Variants in PTPRZ1 observed in about 807,000 individuals in gnomAD.
PTPRZ1 encodes protein tyrosine phosphatase receptor type Z1.
PTPRZ1 carries 82 observed loss-of-function variants against 214.1 expected under a neutral mutation model. The ratio of observed to expected loss-of-function variants is 0.38; its 90% CI spans 0.32 to 0.46. The LOEUF (loss-of-function observed/expected upper bound fraction) is 0.46. PTPRZ1 is among the 20% of genes least tolerant of loss of function. The probability of loss-of-function intolerance (pLI) is 1.00; values close to 1 mark genes in which losing one functional copy is unlikely to be tolerated. For missense variants in PTPRZ1, 2,603 were observed against 2,748.7 expected (o/e 0.95, Z 1.19); for synonymous variants, 945 against 987.9 (o/e 0.96, Z 0.81).
intron 22 of PTPRZ1, among the ~76,000 whole-genome samples, chr7:122,044,039 A>T (rs1268237772): frequency 2.0e-5 from 3 of 152,228 alleles, no homozygotes; most frequent in Non-Finnish European, 4.4e-5. Flanking sequence ...CGAAAAGGAG[A>T]GTTGGCGTTG....
In PTPRZ1 at chr7:121,951,969, T is replaced by TTTA. The variant is rs1563033805; in HGVS notation, c.125-15980_125-15979insATT. ...CGAGTGTATTTATTTATTTATTTTT[T>TTTA]TTTTTTTGAGACGGAGTCTCGCTCT... On this transcript the variant is annotated intron_variant, in intron 2 of 29. Coordinates refer to ENST00000393386, the MANE Select transcript of PTPRZ1 (RefSeq NM_002851.3). Among the ~76,000 whole-genome samples, 86 of 150,006 alleles carry TTTA rather than the reference T, an allele frequency of 5.7e-4. 1 individual carries two copies. Among genetic ancestry groups the TTTA allele is most frequent in the African/African-American group, 1.9e-3 (77 of 41,222 alleles).
intron 18 of PTPRZ1, among the ~76,000 whole-genome samples, chr7:122,037,088 C>A (rs528160754): frequency 6.6e-6 from 1 of 151,678 alleles, no homozygotes. Context: ...CTAGCTAACA[C>A]GGTGAAACCC....
chr7:122,054,319 A>C (rs1792284214), intron 26 of PTPRZ1, among the ~76,000 whole-genome samples: 1 of 152,146 alleles, frequency 6.6e-6, no homozygotes, highest in African/African-American at 2.4e-5. Flanking sequence ...CCATGAAAGA[A>C]ATCAGTCTAT....
At position 121,976,862 on chromosome 7, in the gene PTPRZ1, T is replaced by TG. The variant is rs761381280; in HGVS notation, c.619+15dup. ...GTGTTAGTCGTTTTGGTAAGCTACT[T>TG]GGGGAACTATCTTTCTTCAGGATTC... On this transcript the variant is annotated intron_variant, in intron 6 of 29. Transcript: ENST00000393386. The TG allele has an allele frequency of 6.2e-7, 1 of 1,606,214 alleles. No individual in the cohort carries two copies. The highest frequency in any genetic ancestry group is 8.5e-7 in the Non-Finnish European group (1 of 1,175,336).
At position 122,004,680 on chromosome 7, in the gene PTPRZ1, A is replaced by T; in HGVS notation, c.1287+20A>T. 1 of 1,287,460 alleles carries T rather than the reference A, an allele frequency of 7.8e-7. No individual in the cohort carries two copies. Among genetic ancestry groups the T allele is most frequent in the African/African-American group, 1.5e-5 (1 of 67,576 alleles). 79.8% of individuals were successfully genotyped at this position (1,287,460 alleles called of 1,614,324 possible). On this transcript the variant is annotated intron_variant, in intron 11 of 29. Coordinates refer to ENST00000393386, the MANE Select transcript of PTPRZ1 (RefSeq NM_002851.3). ...ATCAAGGTATCATAGCCATTTTTAT[A>T]TTCAAATGTTTTAATATTAAATGGT...
At position 122,013,371 on chromosome 7, in the gene PTPRZ1, G is replaced by T; in HGVS notation, c.4325G>T (p.Cys1442Phe). The T allele has an allele frequency of 1.2e-6, 2 of 1,614,134 alleles. No individual in the cohort carries two copies. Among genetic ancestry groups the T allele is most frequent in the African/African-American group, 1.3e-5 (1 of 75,038 alleles). ...AGTGATGGCTTATCCATTCATAAGT[G>T]TATGTCATGCTCATCCTATAGAGAA... ...RGSDGLSIHK[C>F]MSCSSYRESQ... is the part of the protein sequence containing the mutation. The change falls in exon 12 of 30, where the codon TGT (cysteine) becomes TTT (phenylalanine). Residue 1442 changes from cysteine (C) to phenylalanine (F), a missense_variant. Coordinates refer to ENST00000393386, the MANE Select transcript of PTPRZ1 (RefSeq NM_002851.3).
In PTPRZ1 at chr7:121,984,027, T is replaced by A; in HGVS notation, c.838T>A (p.Tyr280Asn). 3 of 1,613,708 alleles carry A rather than the reference T, an allele frequency of 1.9e-6. No homozygotes were observed. Among genetic ancestry groups the A allele is most frequent in the Non-Finnish European group, 2.5e-6 (3 of 1,179,716 alleles). ...ATCTGGTTATGTCATGCTGATGGAC[T>A]ACTTACAAAACAATTTTCGAGAGCA... is the stretch of plus-strand genomic sequence containing the variant. ...QQSGYVMLMD[Y>N]LQNNFREQQY... Residue 280 changes from tyrosine (Y) to asparagine (N), a missense_variant, in exon 8 of 30, where the codon TAC becomes AAC. Physicochemically the swap from Tyr to Asn is moderately radical, Grantham distance 143. Transcript: ENST00000393386.
intron 1 of PTPRZ1, among the ~76,000 whole-genome samples, chr7:121,893,644 G>C (rs1794703488): frequency 6.6e-6 from 1 of 152,152 alleles, no homozygotes. Flanking sequence ...ATTTGTGACT[G>C]TAGAAAAAGG....
At chr7:122,024,824 A>G (rs1364448350) in intron 13 of PTPRZ1, among the ~76,000 whole-genome samples, 1 of 152,144 alleles carries the variant, frequency 6.6e-6, no homozygotes, top group South Asian at 2.1e-4. Context: ...TTACCATTTT[A>G]TATTCTATGA....
Position 121,998,014 on chromosome 7 carries a change from C to A in PTPRZ1, c.1240+8C>A, listed in dbSNP as rs755081328. On this transcript the variant is annotated splice_region_variant and intron_variant, in intron 10 of 29. Transcript: ENST00000393386. ...TGCCTACTGATAATCCTGGTAAGTG[C>A]CACCAGATACATCTATATATTAACT... The A allele has an allele frequency of 1.2e-6, 2 of 1,610,756 alleles. No individual in the cohort carries two copies. The highest frequency in any genetic ancestry group is 1.7e-6 in the Non-Finnish European group (2 of 1,178,568).
At chr7:121,984,252 GCTGT>G (rs1797703232) in intron 8 of PTPRZ1, 135 bp downstream of exon 8, 3 of 775,056 alleles carry the variant, frequency 3.9e-6, no homozygotes, top group Middle Eastern at 4.0e-4. Flanking sequence ...CTTTAGATAA[GCTGT>G]CTAATTTTCT....
At chr7:121,997,527 T>C (rs980165794) in intron 9 of PTPRZ1, among the ~76,000 whole-genome samples, 2 of 152,180 alleles carry the variant, frequency 1.3e-5, no homozygotes, top group Non-Finnish European at 2.9e-5. Context: ...TGTTCACTTT[T>C]TCACATTGCT....
rs750856340 is a variant in PTPRZ1, at chr7:122,011,072, A to T, written c.2026A>T (p.Thr676Ser). ...ATCAGGCAGAGAGAGCTTTCTCCAG[A>T]CTAATTACACTGAGATACGTGTTGA... ...VGSGRESFLQ[T>S]NYTEIRVDES... is the part of the protein sequence containing the mutation. The change falls in exon 12 of 30, where the codon ACT becomes TCT. Residue 676 changes from threonine to serine, a missense_variant. Thr to Ser is a moderately conservative substitution (Grantham distance 58). This residue lies in a region of PTPRZ1 where 1,913 missense variants were observed against 1,914.3 expected (regional missense o/e 1.00). Coordinates refer to ENST00000393386, the MANE Select transcript of PTPRZ1 (RefSeq NM_002851.3). 1 of 1,614,110 alleles carries T rather than the reference A, an allele frequency of 6.2e-7. No homozygotes were observed. The highest frequency in any genetic ancestry group is 1.7e-5 in the Admixed American group (1 of 60,006).
intron 1 of PTPRZ1, among the ~76,000 whole-genome samples, chr7:121,902,739 T>A (rs1005281683): frequency 1.3e-5 from 2 of 152,102 alleles, no homozygotes; most frequent in African/African-American, 4.8e-5. Flanking sequence ...TACTGCTGAG[T>A]TGTTTGAGTT....
In PTPRZ1 at chr7:122,040,893, A is replaced by G; in HGVS notation, c.5715A>G (p.Pro1905=). 6.2e-7 allele frequency: 1 copy of G among 1,606,840 alleles called. No individual in the cohort carries two copies. Among genetic ancestry groups the G allele is most frequent in the Non-Finnish European group, 8.5e-7 (1 of 1,174,364 alleles). Reference sequence around the variant, plus strand: ...CGCAGTGGCCTGACATGGGAGTACCAGAGTACTCCCTGCCAGTGCTGACCT... The same window carrying G: ...CGCAGTGGCCTGACATGGGAGTACCGGAGTACTCCCTGCCAGTGCTGACCT... ...HYTQWPDMGV[P]EYSLPVLTFV... Residue 1905 remains proline (P), a synonymous_variant, in exon 21 of 30, where the codon CCA becomes CCG. Coordinates refer to ENST00000393386, the MANE Select transcript of PTPRZ1 (RefSeq NM_002851.3).
Position 122,058,866 on chromosome 7 carries a change from A to C in PTPRZ1, c.6595A>C (p.Ser2199Arg), listed in dbSNP as rs375664447. Residue 2199 changes from serine (S) to arginine (R), a missense_variant, in exon 28 of 30, where the codon AGT (serine) becomes CGT (arginine). Coordinates refer to ENST00000393386, the MANE Select transcript of PTPRZ1 (RefSeq NM_002851.3). ...PKWPNPDSPI[S>R]KTFELISVIK... ...ATGGCCAAATCCAGATAGCCCCATT[A>C]GTAAAACTTTTGAACTTATAAGTGT... is the stretch of plus-strand genomic sequence containing the variant. 4.4e-6 allele frequency: 7 copies of C among 1,595,358 alleles called. No homozygotes were observed. The East Asian group carries it at 1.1e-4, about 25-fold the overall frequency.
chr7:122,012,807 C>T lies in PTPRZ1; in HGVS notation c.3761C>T (p.Ser1254Phe). The T allele has an allele frequency of 6.2e-7, 1 of 1,611,726 alleles. No individual in the cohort carries two copies. The highest frequency in any genetic ancestry group is 8.5e-7 in the Non-Finnish European group (1 of 1,177,854). ...FDVSPTSHMH[S>F]ASLQGLTISY... ...GTGTCGCCTACTTCTCATATGCACT[C>T]TGCTTCACTTCAAGGTTTGACCATT... Residue 1254 changes from serine to phenylalanine, a missense_variant, in exon 12 of 30, where the codon TCT (serine) becomes TTT (phenylalanine). Transcript: ENST00000393386.
At chr7:122,042,454 A>G (rs1171761022) in intron 21 of PTPRZ1, among the ~76,000 whole-genome samples, 154 bp from the exon 22 acceptor site, 1 of 152,250 alleles carries the variant, frequency 6.6e-6, no homozygotes, top group Non-Finnish European at 1.5e-5. Flanking sequence ...TAATTACTAA[A>G]CTGTTTACAA....
intron 1 of PTPRZ1, among the ~76,000 whole-genome samples, chr7:121,927,017 C>T (rs900935639): frequency 2.0e-5 from 3 of 151,970 alleles, no homozygotes; most frequent in African/African-American, 7.3e-5. Context: ...AAAATAGTAA[C>T]TTATTACCAT....
Sources: gnomAD v4.1 joint callset for allele counts (sites outside exome capture counted in the v4.1 genomes callset) on GRCh38, gnomAD v4.1.1 for gene constraint, gnomAD v4.1.1 regional missense constraint, MANE v1.5 for transcripts, NCBI Gene and HGNC (gene_info 2026-07-23, HGNC 2026-07-21) for gene names.